Variants in POLR1A observed in about 807,000 individuals in gnomAD.
The protein encoded by POLR1A is DNA-directed RNA polymerase I subunit RPA1.
In POLR1A, 84 loss-of-function variants were observed where a neutral mutation model predicts 205.3. The observed-to-expected ratio is 0.41, with a 90% confidence interval of 0.34 to 0.49. The LOEUF (loss-of-function observed/expected upper bound fraction) is 0.49. Among genes scored for constraint, POLR1A ranks in the 20% least tolerant of loss-of-function variants. The pLI is 0.22. For synonymous variants in POLR1A, 799 were observed against 863.7 expected, an observed-to-expected ratio of 0.93 and a Z score of 1.31; for missense variants, 1,645 against 2,204.5, an observed-to-expected ratio of 0.75 and a Z score of 5.08.
At chr2:86,072,253 G>A (rs1353943550) in intron 12 of POLR1A, among the ~76,000 whole-genome samples, 1 of 152,206 alleles carries the variant, frequency 6.6e-6, no homozygotes, top group Non-Finnish European at 1.5e-5. Flanking sequence ...CAAGTCCCAT[G>A]TTTCCAAGGA....
At chr2:86,071,035 G>A (rs1284877611) in intron 12 of POLR1A, among the ~76,000 whole-genome samples, 1 of 151,890 alleles carries the variant, frequency 6.6e-6, no homozygotes, top group Admixed American at 6.6e-5. Context: ...CTGCCCCATA[G>A]AAGGGGCAAT....
At chr2:86,043,908 G>A (rs1350080487) in intron 22 of POLR1A, among the ~76,000 whole-genome samples, 2 of 152,172 alleles carry the variant, frequency 1.3e-5, no homozygotes, top group Admixed American at 6.5e-5. Context: ...CAAAGAGTAG[G>A]TATTATTCCA....
intron 14 of POLR1A, among the ~76,000 whole-genome samples, chr2:86,056,553 A>T (rs1361070551): frequency 6.6e-6 from 1 of 152,116 alleles, no homozygotes; most frequent in Non-Finnish European, 1.5e-5. Flanking sequence ...AATGTAGATA[A>T]AAGAGCCTTC....
chr2:86,104,526 C>T (rs1459945584), intron 1 of POLR1A, among the ~76,000 whole-genome samples: 1 of 148,752 alleles, frequency 6.7e-6, no homozygotes, highest in East Asian at 2.0e-4. Flanking sequence ...CGGCTCACTG[C>T]AACCTCCGCC....
chr2:86,030,285 G>A lies in POLR1A; in HGVS notation c.4690C>T (p.Leu1564=), dbSNP rs1320299922. ...YATKGITRCL[L]NETTNNKNEK... is the part of the protein sequence containing the mutation. ...TTCTTATTGTTGGTTGTTTCATTCA[G>A]GAGGCACCGAGTGATGCCCTTGGTC... is the stretch of plus-strand genomic sequence containing the variant. The change falls in exon 31 of 34, where the codon CTG becomes TTG. Residue 1564 remains leucine (L), a synonymous_variant. Transcript: ENST00000263857. The A allele has an allele frequency of 6.2e-7, 1 of 1,614,156 alleles. No individual in the cohort carries two copies. Among genetic ancestry groups the A allele is most frequent in the South Asian group, 1.1e-5 (1 of 91,086 alleles).
Position 86,105,870 on chromosome 2 carries a change from C to G in POLR1A, c.-94G>C, listed in dbSNP as rs1437123123. 2 of 1,170,472 alleles carry G rather than the reference C, an allele frequency of 1.7e-6. No homozygotes were observed. The highest frequency in any genetic ancestry group is 4.0e-5 in the Admixed American group (2 of 50,038). 72.5% of individuals were successfully genotyped at this position (1,170,472 alleles called of 1,614,324 possible). On this transcript the variant is annotated 5_prime_UTR_variant, in exon 1 of 34. Coordinates refer to ENST00000263857, the MANE Select transcript of POLR1A (RefSeq NM_015425.6). ...CAACCTCAAGCCCGGAGTCACCACG[C>G]GATTCAACGTGCGCTTGCGCGCGGA...
Position 86,071,013 on chromosome 2 carries a change from G to C in POLR1A, c.1612-741C>G, listed in dbSNP as rs115191670. ...GCAGCATTTACAGCGGCAAAAACTA[G>C]AAATAACCTGACTGCCCCATAGAAG... On this transcript the variant is annotated intron_variant, in intron 12 of 33. Transcript: ENST00000263857. Among the ~76,000 whole-genome samples, 791 of 152,012 alleles carry C rather than the reference G, an allele frequency of 5.2e-3. 9 individuals are homozygous for C. The highest frequency in any genetic ancestry group is 0.018 in the African/African-American group (751 of 41,494).
intron 14 of POLR1A, among the ~76,000 whole-genome samples, chr2:86,059,496 G>A (rs1672958533): frequency 6.6e-6 from 1 of 152,224 alleles, no homozygotes; most frequent in Non-Finnish European, 1.5e-5. Flanking sequence ...TCAGGTGGTT[G>A]AATGTCAGAT....
At chr2:86,035,766 A>G (rs76041769) in intron 27 of POLR1A, among the ~76,000 whole-genome samples, 1,885 of 152,322 alleles carry the variant, frequency 0.012, 49 homozygotes, top group African/African-American at 0.043. Context: ...CTTCAAGGCC[A>G]GGCCTCAGCA....
In POLR1A at chr2:86,048,966, A is replaced by G. The variant is rs1429726365; in HGVS notation, c.2552T>C (p.Leu851Pro). 1.9e-6 allele frequency: 3 copies of G among 1,614,184 alleles called. No homozygotes were observed. ...EVRGKWQDAH[L>P]GKDQRDFNMI... ...GTTAAAATCCCTCTGGTCCTTGCCC[A>G]GATGGGCATCCTGCCATTTTCCTCG... The change falls in exon 18 of 34, where the codon CTG becomes CCG. Residue 851 changes from leucine (L) to proline (P), a missense_variant. Physicochemically the swap from Leu to Pro is moderately conservative, Grantham distance 98. Transcript: ENST00000263857.
intron 9 of POLR1A, among the ~76,000 whole-genome samples, chr2:86,079,423 G>A (rs879524968): frequency 4.6e-5 from 7 of 152,154 alleles, no homozygotes; most frequent in Non-Finnish European, 1.0e-4. Flanking sequence ...CCATGAGGAT[G>A]GAACACAGAG....
intron 14 of POLR1A, among the ~76,000 whole-genome samples, chr2:86,056,246 G>A (rs781158420): frequency 4.6e-5 from 7 of 151,962 alleles, no homozygotes; most frequent in Non-Finnish European, 7.4e-5. Context: ...AAGGTCGGGA[G>A]TTTGAGACCA....
chr2:86,070,216 C>T lies in POLR1A; in HGVS notation c.1668G>A (p.Leu556=). Residue 556 remains leucine (L), a synonymous_variant, in exon 13 of 34, where the codon CTG becomes CTA. Coordinates refer to ENST00000263857, the MANE Select transcript of POLR1A (RefSeq NM_015425.6). This position sits in a 1 kb window ranked among gnomAD's most constrained non-coding sequence, Gnocchi z 4.4. ...GGTGGGCCTGGATGGAGGGTCTGTG[C>T]AGTGTGGGCTGTCGGTTCAGTAGCA... The part of the protein sequence containing the change: ...DILLLNRQPT[L]HRPSIQAHRA... The T allele has an allele frequency of 6.2e-7, 1 of 1,614,036 alleles. No homozygotes were observed. Among genetic ancestry groups the T allele is most frequent in the Non-Finnish European group, 8.5e-7 (1 of 1,179,902 alleles).
rs34298205 is a variant in POLR1A at position 86,063,335 on chromosome 2, CAAAAAAAAAA to C, written c.2058+1929_2058+1938del. Among the ~76,000 whole-genome samples the C allele has an allele frequency of 1.9e-4, 8 of 41,244 alleles. 1 individual carries two copies. The highest frequency in any genetic ancestry group is 9.9e-4 in the Admixed American group (2 of 2,016). The allele number at this position is 41,244 out of a possible 152,430, so 27.1% of individuals were successfully genotyped here. ...GGGCAGCAAGAGCAAAACTCCATCT[CAAAAAAAAAA>C]AAAAAAAAAAAAAAAAAGAAAGAAA... On this transcript the variant is annotated intron_variant, in intron 14 of 33. Transcript: ENST00000263857.
intron 28 of POLR1A, among the ~76,000 whole-genome samples, chr2:86,033,013 C>T (rs2104381924): frequency 6.6e-6 from 1 of 152,316 alleles, no homozygotes; most frequent in East Asian, 1.9e-4. Context: ...ACTGAGACCA[C>T]AGAGCTGGTT....
At position 86,077,561 on chromosome 2, in the gene POLR1A, C is replaced by T. The variant is rs114217252; in HGVS notation, c.1380+298G>A. Among the ~76,000 whole-genome samples, 1,093 of 152,208 alleles carry T rather than the reference C, an allele frequency of 7.2e-3. 15 individuals carry two copies. The highest frequency in any genetic ancestry group is 0.024 in the African/African-American group (1,015 of 41,530). ...AGTGGGCAGGAGGAAGCTATGCCGG[C>T]GGGGATGTGGAACACCCTGCAGTCA... On this transcript the variant is annotated intron_variant, in intron 11 of 33. Transcript: ENST00000263857.
At chr2:86,104,636 C>T (rs1413048290) in intron 1 of POLR1A, among the ~76,000 whole-genome samples, 1 of 151,976 alleles carries the variant, frequency 6.6e-6, no homozygotes, top group Admixed American at 6.6e-5. Flanking sequence ...TTAGTAGAGA[C>T]GGGGTTTCAC....
chr2:86,062,963 A>C (rs911878765), intron 14 of POLR1A, among the ~76,000 whole-genome samples: 1 of 152,206 alleles, frequency 6.6e-6, no homozygotes, highest in African/African-American at 2.4e-5. Flanking sequence ...TGAAAAACAC[A>C]AACAATTAAA....
intron 7 of POLR1A, 80 bp from the exon 8 acceptor site, chr2:86,081,786 CTGAG>C: frequency 1.2e-6 from 1 of 802,590 alleles, no homozygotes; most frequent in Non-Finnish European, 2.1e-6. Context: ...AAAAATATTA[CTGAG>C]TGAGGAAAAA....
Sources: gnomAD v4.1 joint callset for allele counts (sites outside exome capture counted in the v4.1 genomes callset) on GRCh38, gnomAD v4.1.1 for gene constraint, Gnocchi (gnomAD v3.1) non-coding constraint, MANE v1.5 for transcripts, NCBI Gene and HGNC (gene_info 2026-07-23, HGNC 2026-07-21) for gene names.